The following XPNPEP3 variants were observed in gnomAD, a reference collection of about 807,000 sequenced individuals.
XPNPEP3 encodes xaa-Pro aminopeptidase 3.
Under a neutral mutation model 60.0 loss-of-function variants are expected in XPNPEP3, and 41 were observed. That is an observed-to-expected ratio of 0.68 (90% CI 0.53 to 0.89). XPNPEP3 has a LOEUF of 0.89. XPNPEP3 is among the 40% of genes least tolerant of loss of function. The pLI is 0.00. For synonymous variants in XPNPEP3, 212 were observed against 223.2 expected (o/e 0.95, Z 0.45); for missense variants, 598 against 638.9 (o/e 0.94, Z 0.69).
chr22:40,921,878 C>T (rs117559486), intron 7 of XPNPEP3, among the ~76,000 whole-genome samples: 82 of 152,034 alleles, frequency 5.4e-4, no homozygotes, highest in Non-Finnish European at 8.4e-4. Context: ...ATTCTAAAGA[C>T]ACTTAAGTGC....
chr22:40,884,399 G>A (rs1184714457), intron 3 of XPNPEP3, among the ~76,000 whole-genome samples: 3 of 149,380 alleles, frequency 2.0e-5, no homozygotes, highest in South Asian at 2.1e-4. Flanking sequence ...GCACCATCTC[G>A]GCTCACTGCA....
intron 6 of XPNPEP3, among the ~76,000 whole-genome samples, chr22:40,909,487 A>G (rs2058169092): frequency 6.6e-6 from 1 of 152,176 alleles, no homozygotes; most frequent in Non-Finnish European, 1.5e-5. Context: ...AACATAGGCC[A>G]GGCATGGTAG....
intron 4 of XPNPEP3, among the ~76,000 whole-genome samples, chr22:40,887,437 A>G (rs911443701): frequency 6.6e-6 from 1 of 152,108 alleles, no homozygotes; most frequent in Non-Finnish European, 1.5e-5. Flanking sequence ...TTGTCTCATA[A>G]TTTTGCAGTC....
chr22:40,908,995 T>C (rs573050367), intron 5 of XPNPEP3, 127 bp from the exon 6 acceptor site: 3 of 757,840 alleles, frequency 4.0e-6, no homozygotes, highest in Middle Eastern at 6.6e-4. Flanking sequence ...TGGTTAGATA[T>C]GATGAATAGC....
chr22:40,895,877 TAA>T (rs1253153184), intron 4 of XPNPEP3, among the ~76,000 whole-genome samples: 1 of 152,150 alleles, frequency 6.6e-6, no homozygotes, highest in African/African-American at 2.4e-5. Flanking sequence ...CCAGTAGATG[TAA>T]AAGAGTTTCT....
chr22:40,887,815 A>G (rs1233548782), intron 4 of XPNPEP3, among the ~76,000 whole-genome samples: 1 of 151,900 alleles, frequency 6.6e-6, no homozygotes, highest in Non-Finnish European at 1.5e-5. Flanking sequence ...GAGAGTTTTC[A>G]CAGAGACCAA....
At chr22:40,899,168 G>A (rs2058121374) in intron 4 of XPNPEP3, among the ~76,000 whole-genome samples, 1 of 152,108 alleles carries the variant, frequency 6.6e-6, no homozygotes, top group African/African-American at 2.4e-5. Context: ...ACCCATCGCT[G>A]TCAACTTGCC....
chr22:40,865,328 T>G (rs1234590201), intron 1 of XPNPEP3, among the ~76,000 whole-genome samples: 3 of 117,980 alleles, frequency 2.5e-5, no homozygotes, highest in Admixed American at 2.3e-4. Flanking sequence ...CTCCTCACTT[T>G]TTTTTTTTTT....
In XPNPEP3 at chr22:40,868,658, C is replaced by G. The variant is rs148542654; in HGVS notation, c.65-341C>G. Among the ~76,000 whole-genome samples, 221 of 152,070 alleles carry G rather than the reference C, an allele frequency of 1.5e-3. 8 individuals are homozygous for G. The East Asian group carries it at 0.033, about 23-fold the overall frequency. Reference sequence around the variant, plus strand: ...TCACTTGAGGTCAAGAGTTCGAGACCAGCCTGGCCAACAGGATTAAACCCC... The same window carrying G: ...TCACTTGAGGTCAAGAGTTCGAGACGAGCCTGGCCAACAGGATTAAACCCC... On this transcript the variant is annotated intron_variant, in intron 1 of 9. Coordinates refer to ENST00000357137, the MANE Select transcript of XPNPEP3 (RefSeq NM_022098.4).
At position 40,881,847 on chromosome 22, in the gene XPNPEP3, G is replaced by T; in HGVS notation, c.259G>T (p.Ala87Ser). The change falls in exon 3 of 10, where the codon GCT becomes TCT. Residue 87 changes from alanine (A) to serine (S), a missense_variant. Coordinates refer to ENST00000357137, the MANE Select transcript of XPNPEP3 (RefSeq NM_022098.4). ...HKLMSLIQKE[A>S]QGQSGTDQTV... is the part of the protein sequence containing the mutation. Reference sequence around the variant, plus strand: ...ACTAATGTCTCTGATCCAGAAGGAAGCTCAAGGGCAGAGTGGGACAGACCA... The same window carrying T: ...ACTAATGTCTCTGATCCAGAAGGAATCTCAAGGGCAGAGTGGGACAGACCA... 2 of 1,614,206 alleles carry T rather than the reference G, an allele frequency of 1.2e-6. No individual in the cohort carries two copies. Among genetic ancestry groups the T allele is most frequent in the South Asian group, 2.2e-5 (2 of 91,080 alleles).
chr22:40,922,436 A>G lies in XPNPEP3; in HGVS notation c.1159A>G (p.Met387Val), dbSNP rs141443364. 5 of 1,614,026 alleles carry G rather than the reference A, an allele frequency of 3.1e-6. No individual in the cohort carries two copies. Among genetic ancestry groups the G allele is most frequent in the African/African-American group, 1.3e-5 (1 of 75,024 alleles). The change falls in exon 8 of 10, where the codon ATG (methionine) becomes GTG (valine). Residue 387 changes from methionine to valine, a missense_variant. Physicochemically the swap from Met to Val is conservative, Grantham distance 21. Coordinates refer to ENST00000357137, the MANE Select transcript of XPNPEP3 (RefSeq NM_022098.4). ...GACAAGCTTGGAGAACATCTACAGCATGATGCTGACCCTGATAGGACAGAA... is the reference window on the plus strand; with the variant it reads ...GACAAGCTTGGAGAACATCTACAGCGTGATGCTGACCCTGATAGGACAGAA... The part of the protein sequence containing the change: ...PGTSLENIYS[M>V]MLTLIGQKLK...
rs1362310239 is a variant in XPNPEP3, at chr22:40,908,491, C to G, written c.856-631C>G. On this transcript the variant is annotated intron_variant, in intron 5 of 9. Coordinates refer to ENST00000357137, the MANE Select transcript of XPNPEP3 (RefSeq NM_022098.4). ...TATGATTGCCCCACTGCACTCCAGC[C>G]TGGGTGACAGCAATACCATGTCTCA... Among the ~76,000 whole-genome samples, 3 of 152,146 alleles carry G rather than the reference C, an allele frequency of 2.0e-5. No individual in the cohort carries two copies. In the East Asian group the frequency reaches 5.8e-4, roughly 29 times the overall value.
chr22:40,861,662 G>A (rs778884988), intron 1 of XPNPEP3: 2 of 1,614,074 alleles, frequency 1.2e-6, no homozygotes, highest in South Asian at 1.1e-5. Context: ...AGTCTTCAAA[G>A]AAGTGAAAAG....
At chr22:40,865,154 CTT>C (rs768669777) in intron 1 of XPNPEP3, among the ~76,000 whole-genome samples, 1 of 152,086 alleles carries the variant, frequency 6.6e-6, no homozygotes, top group Admixed American at 6.6e-5. Context: ...GTCTCAGTGT[CTT>C]TGCTTTCTTA....
Position 40,875,229 on chromosome 22 carries a change from G to T in XPNPEP3, c.181+6114G>T, listed in dbSNP as rs189366864. Among the ~76,000 whole-genome samples the T allele has an allele frequency of 2.3e-3, 355 of 152,124 alleles. 1 individual carries two copies. The highest frequency in any genetic ancestry group is 7.5e-3 in the African/African-American group (313 of 41,508). ...CTTGCTCTGTCTCCCAGGCTAAACT[G>T]CAGCGGCATGATCATATCTCACTGC... On this transcript the variant is annotated intron_variant, in intron 2 of 9. Coordinates refer to ENST00000357137, the MANE Select transcript of XPNPEP3 (RefSeq NM_022098.4).
At chr22:40,912,502 T>C (rs1419710939) in intron 6 of XPNPEP3, among the ~76,000 whole-genome samples, 2 of 152,242 alleles carry the variant, frequency 1.3e-5, no homozygotes, top group Non-Finnish European at 2.9e-5. Flanking sequence ...ATGTACCCTT[T>C]TATATTCTTG....
intron 6 of XPNPEP3, among the ~76,000 whole-genome samples, chr22:40,913,301 G>T (rs2058183297): frequency 6.6e-6 from 1 of 151,822 alleles, no homozygotes; most frequent in African/African-American, 2.4e-5. Context: ...AGCCAGGTGT[G>T]GTGGCGGGCA....
At chr22:40,889,845 A>G (rs1416491480) in intron 4 of XPNPEP3, among the ~76,000 whole-genome samples, 1 of 152,196 alleles carries the variant, frequency 6.6e-6, no homozygotes, top group South Asian at 2.1e-4. Context: ...ATGCATACAC[A>G]GAATCCAAAC....
At chr22:40,906,746 G>C (rs964587964) in intron 4 of XPNPEP3, among the ~76,000 whole-genome samples, 1 of 152,210 alleles carries the variant, frequency 6.6e-6, no homozygotes, top group African/African-American at 2.4e-5. Flanking sequence ...GTATATCTTA[G>C]TATGTTTGTC....
Sources: allele counts gnomAD v4.1 joint callset (sites outside exome capture counted in the v4.1 genomes callset), GRCh38; gene constraint gnomAD v4.1.1; transcripts MANE v1.5; gene names NCBI Gene and HGNC (gene_info 2026-07-23, HGNC 2026-07-21).